The following MYRFL variants were observed in gnomAD, a reference collection of about 807,000 sequenced individuals.
MYRFL encodes myelin regulatory factor like, also known as myelin regulatory factor-like protein.
MYRFL carries 88 observed loss-of-function variants against 109.4 expected under a neutral mutation model. The ratio of observed to expected loss-of-function variants is 0.80; its 90% CI spans 0.68 to 0.96. The LOEUF is 0.96. Among genes scored for constraint, MYRFL ranks in the 40% least tolerant of loss-of-function variants. MYRFL has a pLI of 0.00. For missense variants in MYRFL, 957 were observed against 954.9 expected (o/e 1.00, Z -0.03); for synonymous variants, 324 against 320.9 (o/e 1.01, Z -0.10).
chr12:69,932,901 A>G (rs58837609), intron 16 of MYRFL, among the ~76,000 whole-genome samples: 1,083 of 93,054 alleles, frequency 0.012, 13 homozygotes, highest in African/African-American at 0.031. Context: ...GTGTGTGTGT[A>G]TGTGTGTATG....
intron 13 of MYRFL, among the ~76,000 whole-genome samples, chr12:69,911,739 A>G (rs903986301): frequency 2.0e-5 from 3 of 152,148 alleles, no homozygotes; most frequent in Non-Finnish European, 4.4e-5. Flanking sequence ...TTTGTTTTAT[A>G]CTGCATTATT....
intron 19 of MYRFL, among the ~76,000 whole-genome samples, chr12:69,948,982 T>A (rs77031334): frequency 0.034 from 5,242 of 152,286 alleles, 315 homozygotes; most frequent in African/African-American, 0.12. Flanking sequence ...TTTCCCTGGC[T>A]CTCTTCCTTC....
chr12:69,920,844 A>G lies in MYRFL; in HGVS notation c.1603-5727A>G, dbSNP rs117687288. Among the ~76,000 whole-genome samples the G allele has an allele frequency of 7.0e-3, 1,073 of 152,334 alleles. 7 individuals are homozygous for G. Among genetic ancestry groups the G allele is most frequent in the Non-Finnish European group, 0.011 (755 of 68,032 alleles). Reference sequence around the variant, plus strand: ...TTCCCATTGTTTCCATGTGCAATACACTTGCCGGACTGCCTCTAGTGCCCA... The same window carrying G: ...TTCCCATTGTTTCCATGTGCAATACGCTTGCCGGACTGCCTCTAGTGCCCA... On this transcript the variant is annotated intron_variant, in intron 13 of 24. Coordinates refer to ENST00000552032, the MANE Select transcript of MYRFL (RefSeq NM_182530.3).
rs868758051 is a variant in MYRFL, at chr12:69,932,203, C to T, written c.1831-310C>T. 3.3e-5 allele frequency among the ~76,000 whole-genome samples: 5 copies of T among 152,238 alleles called. No homozygotes were observed. In the South Asian group the frequency reaches 1.0e-3, roughly 32 times the overall value. On this transcript the variant is annotated intron_variant, in intron 15 of 24. Coordinates refer to ENST00000552032, the MANE Select transcript of MYRFL (RefSeq NM_182530.3). ...GTCTGACAACATCTCATCTCAGGTC[C>T]CCGTTTCTCATAAAACTGCAAAGAT...
intron 13 of MYRFL, among the ~76,000 whole-genome samples, chr12:69,925,470 C>A (rs753362424): frequency 6.6e-6 from 1 of 152,194 alleles, no homozygotes; most frequent in African/African-American, 2.4e-5. Context: ...TGACCCTCAA[C>A]CACAAAACAG....
intron 2 of MYRFL, among the ~76,000 whole-genome samples, chr12:69,858,885 G>GGTTTA (rs1342791031): frequency 6.6e-6 from 1 of 151,564 alleles, no homozygotes; most frequent in South Asian, 2.1e-4. Flanking sequence ...GCTTAATTTG[G>GGTTTA]GTTTAGTTTG....
chr12:69,826,734 G>A (rs1882302805), intron 1 of MYRFL, among the ~76,000 whole-genome samples: 1 of 152,008 alleles, frequency 6.6e-6, no homozygotes, highest in East Asian at 1.9e-4. Flanking sequence ...TACATTATCT[G>A]TGAATAGTTG....
At chr12:69,902,033 A>G (rs528880342) in intron 10 of MYRFL, among the ~76,000 whole-genome samples, 7 of 152,164 alleles carry the variant, frequency 4.6e-5, no homozygotes, top group East Asian at 1.9e-4. Flanking sequence ...AGCTGGGGCT[A>G]TAGGAACATG....
At chr12:69,840,608 T>C (rs377619083) in intron 1 of MYRFL, among the ~76,000 whole-genome samples, 2 of 152,354 alleles carry the variant, frequency 1.3e-5, no homozygotes, top group South Asian at 2.1e-4. Flanking sequence ...TCATTACATA[T>C]GCAATAATTT....
chr12:69,881,075 G>T (rs1211888300), intron 5 of MYRFL, among the ~76,000 whole-genome samples: 1 of 150,368 alleles, frequency 6.7e-6, no homozygotes, highest in Admixed American at 6.7e-5. Flanking sequence ...CAGAGTAAAT[G>T]CTATGGCACA....
At chr12:69,944,633 A>G (rs2120520380) in intron 19 of MYRFL, among the ~76,000 whole-genome samples, 2 of 152,108 alleles carry the variant, frequency 1.3e-5, no homozygotes, top group South Asian at 4.2e-4. Context: ...ATGTATACGT[A>G]TGTTACTAAC....
At position 69,893,824 on chromosome 12, in the gene MYRFL, A is replaced by AT; in HGVS notation, c.968dup (p.Asn324GlnfsTer4). The AT allele has an allele frequency of 7.2e-7, 1 of 1,381,798 alleles. No individual in the cohort carries two copies. Among genetic ancestry groups the AT allele is most frequent in the South Asian group, 1.9e-5 (1 of 52,290 alleles). 85.6% of individuals were successfully genotyped at this position (1,381,798 alleles called of 1,614,324 possible). On this transcript the variant is annotated frameshift_variant, in exon 8 of 25. Coordinates refer to ENST00000552032, the MANE Select transcript of MYRFL (RefSeq NM_182530.3). LOFTEE classifies it high-confidence loss of function. Reference sequence around the variant, plus strand: ...GTCCCAAGCAGATAGGAGCAAAAAGATTTTCAATCCTGTTAAGTAAGAATT... The same window carrying AT: ...GTCCCAAGCAGATAGGAGCAAAAAGATTTTTCAATCCTGTTAAGTAAGAATT...
At chr12:69,957,034 A>G (rs895492997) in intron 22 of MYRFL, among the ~76,000 whole-genome samples, 1 of 140,122 alleles carries the variant, frequency 7.1e-6, no homozygotes, top group African/African-American at 2.6e-5. Flanking sequence ...GGATGACTTA[A>G]AAATAACATA....
chr12:69,830,168 A>T (rs1412726409), intron 1 of MYRFL, among the ~76,000 whole-genome samples: 3 of 151,946 alleles, frequency 2.0e-5, no homozygotes, highest in Non-Finnish European at 4.4e-5. Flanking sequence ...CAGCAGAAAG[A>T]TTACCTCCTC....
At chr12:69,919,025 G>T (rs1050480040) in intron 13 of MYRFL, among the ~76,000 whole-genome samples, 1 of 152,154 alleles carries the variant, frequency 6.6e-6, no homozygotes, top group Non-Finnish European at 1.5e-5. Flanking sequence ...CCCACTAGAA[G>T]ATATTCTCTA....
chr12:69,897,130 GC>G, intron 9 of MYRFL, 25 bp from the exon 10 acceptor site: 1 of 1,458,014 alleles, frequency 6.9e-7, no homozygotes, highest in Non-Finnish European at 9.3e-7. Context: ...TGATGCATTG[GC>G]ATTGGTCTGC....
At chr12:69,947,884 T>C (rs1456599192) in intron 19 of MYRFL, among the ~76,000 whole-genome samples, 1 of 152,176 alleles carries the variant, frequency 6.6e-6, no homozygotes, top group Non-Finnish European at 1.5e-5. Context: ...TACAACACAG[T>C]CTTACAAGTA....
At chr12:69,956,173 G>C (rs1354225835) in intron 22 of MYRFL, among the ~76,000 whole-genome samples, 2 of 133,852 alleles carry the variant, frequency 1.5e-5, no homozygotes, top group Non-Finnish European at 3.2e-5. Flanking sequence ...CTTGGGTTTA[G>C]AGTTTCAGGA....
At chr12:69,860,163 A>G (rs1428810700) in intron 2 of MYRFL, among the ~76,000 whole-genome samples, 2 of 152,100 alleles carry the variant, frequency 1.3e-5, no homozygotes, top group Non-Finnish European at 2.9e-5. Flanking sequence ...ATGTGTTCTC[A>G]TAATTCAGCT....
Sources: gnomAD v4.1 joint callset for allele counts (sites outside exome capture counted in the v4.1 genomes callset) on GRCh38, gnomAD v4.1.1 for gene constraint, MANE v1.5 for transcripts, NCBI Gene and HGNC (gene_info 2026-07-23, HGNC 2026-07-21) for gene names.